COL6A3: variants seen among roughly 807,000 people sequenced by gnomAD.
COL6A3 encodes the protein collagen type VI alpha 3 chain, also known as collagen alpha-3(VI) chain.
Under a neutral mutation model 274.1 loss-of-function variants are expected in COL6A3, and 137 were observed. The observed-to-expected ratio is 0.50, with a 90% CI of 0.44 to 0.58. COL6A3 has a LOEUF of 0.58. Among genes scored for constraint, COL6A3 ranks in the 20% least tolerant of loss-of-function variants. The pLI is 0.00. For missense variants in COL6A3, 3,950 were observed against 4,124.9 expected (o/e 0.96, Z 1.16); for synonymous variants, 1,650 against 1,650.6 (o/e 1.00, Z 0.01).
At position 237,368,774 on chromosome 2, in the gene COL6A3, G is replaced by A; in HGVS notation, c.4689C>T (p.Ile1563=). The change falls in exon 10 of 44, where the codon ATC becomes ATT. Residue 1563 remains isoleucine, a synonymous_variant. Transcript: ENST00000295550. The surrounding 1 kb of genome is among the most constrained non-coding windows in gnomAD (Gnocchi z 4.4). ...CTAAACTCACAATGCCCGAGGAACG[G>A]ATCACCTGGGCGAACCTGGACACAT... ...QDDVSRFAQV[I]RSSGIVSLGV... 11 of 1,614,220 alleles carry A rather than the reference G, an allele frequency of 6.8e-6. No individual in the cohort carries two copies. Among genetic ancestry groups the A allele is most frequent in the Non-Finnish European group, 9.3e-6 (11 of 1,180,042 alleles).
chr2:237,331,500 T>A (rs1700222319), intron 42 of COL6A3, among the ~76,000 whole-genome samples: 1 of 152,086 alleles, frequency 6.6e-6, no homozygotes, highest in African/African-American at 2.4e-5. Flanking sequence ...ATTTATTAGG[T>A]CGGTGCGAAA....
chr2:237,342,449 G>A (rs2077007101), intron 36 of COL6A3: 2 of 430,548 alleles, frequency 4.6e-6, no homozygotes, highest in Non-Finnish European at 8.6e-6. Context: ...GTGTCATTTG[G>A]AGGGTTAAAT....
intron 3 of COL6A3, among the ~76,000 whole-genome samples, chr2:237,389,536 A>C (rs533673231): frequency 6.6e-6 from 1 of 152,200 alleles, no homozygotes; most frequent in South Asian, 2.1e-4. Context: ...TCCTTGTGCC[A>C]ACAAAATTGT....
rs1131296 is a variant in COL6A3 at position 237,334,649 on chromosome 2, G to A, written c.9206C>T (p.Thr3069Ile). Residue 3069 changes from threonine to isoleucine, a missense_variant, in exon 41 of 44, where the codon ACC becomes ATC. Thr to Ile is a moderately conservative substitution (Grantham distance 89). Transcript: ENST00000295550. Reference protein sequence around the residue: ...VCYLRSQVRATYHGSFSTKKS... With the variant: ...VCYLRSQVRAIYHGSFSTKKS... ...ACTTGTACTGAAACTTCCGTGGTAGGTGGCTCTGACCTGAGACCTCAGGTA... is the reference window on the plus strand; with the variant it reads ...ACTTGTACTGAAACTTCCGTGGTAGATGGCTCTGACCTGAGACCTCAGGTA... 620,603 of 1,612,638 alleles carry A rather than the reference G, an allele frequency of 0.38. 121,469 individuals are homozygous for A. The highest frequency in any genetic ancestry group is 0.5 in the East Asian group (22,522 of 44,868).
rs2077516086 is a variant in COL6A3, at chr2:237,364,865, G to A, written c.5839-437C>T. Among the ~76,000 whole-genome samples, 1 of 149,374 alleles carries A rather than the reference G, an allele frequency of 6.7e-6. No homozygotes were observed. The highest frequency in any genetic ancestry group is 1.5e-5 in the Non-Finnish European group (1 of 67,324). ...GGTGTACATGTGTGTGGGTGCGTAT[G>A]TGTGTGCATGTGTATGGGTGCATGT... On this transcript the variant is annotated intron_variant, in intron 12 of 43. Transcript: ENST00000295550. This position sits in a 1 kb window ranked among gnomAD's most constrained non-coding sequence, Gnocchi z 4.6.
chr2:237,379,318 T>C, intron 5 of COL6A3, 83 bp from the exon 6 acceptor site: 1 of 1,521,336 alleles, frequency 6.6e-7, no homozygotes. Flanking sequence ...CGTGCACACA[T>C]GCCAACATTT....
Position 237,366,756 on chromosome 2 carries a change from G to C in COL6A3, c.5431C>G (p.Gln1811Glu). Residue 1811 changes from glutamine to glutamate, a missense_variant, in exon 11 of 44, where the codon CAA becomes GAA. Coordinates refer to ENST00000295550, the MANE Select transcript of COL6A3 (RefSeq NM_004369.4). ...GCATCATGCAAAGTTTCCAAAACTT[G>C]CTCGCTCAGTTCGGACAGCTCCTGG... ...NVQELSELSE[Q>E]VLETLHDAMH... The C allele has an allele frequency of 6.2e-7, 1 of 1,614,252 alleles. No individual in the cohort carries two copies. The highest frequency in any genetic ancestry group is 2.2e-5 in the East Asian group (1 of 44,886).
intron 4 of COL6A3, among the ~76,000 whole-genome samples, chr2:237,382,986 A>T (rs763338040): frequency 6.6e-6 from 1 of 152,046 alleles, no homozygotes; most frequent in Non-Finnish European, 1.5e-5. Flanking sequence ...TTTGGTAGAG[A>T]TGGGGTTTCA....
chr2:237,376,081 C>T (rs2077830791), intron 7 of COL6A3, among the ~76,000 whole-genome samples: 1 of 152,168 alleles, frequency 6.6e-6, no homozygotes, highest in African/African-American at 2.4e-5. Context: ...CTGCAAGTCA[C>T]AAGTGGGTTA....
rs1482431281 is a variant in COL6A3 at position 237,360,067 on chromosome 2, AC to A, written c.6282+20del. 2 of 1,613,140 alleles carry A rather than the reference AC, an allele frequency of 1.2e-6. No individual in the cohort carries two copies. The highest frequency in any genetic ancestry group is 1.7e-6 in the Non-Finnish European group (2 of 1,179,644). ...CACCTGACCCCTCCCCACGCTAGCA[AC>A]CCCATCACCCACGCCTCACCTTTAC... is the stretch of plus-strand genomic sequence containing the variant. On this transcript the variant is annotated intron_variant, in intron 17 of 43. Coordinates refer to ENST00000295550, the MANE Select transcript of COL6A3 (RefSeq NM_004369.4).
At chr2:237,358,936 G>A in intron 20 of COL6A3, 99 bp downstream of exon 20, 2 of 1,367,020 alleles carry the variant, frequency 1.5e-6, no homozygotes. Context: ...GCTGCCTGGA[G>A]GAAGCGGGCT....
chr2:237,352,412 GC>G, intron 26 of COL6A3, 109 bp downstream of exon 26: 1 of 1,088,250 alleles, frequency 9.2e-7, no homozygotes, highest in Non-Finnish European at 1.4e-6. Flanking sequence ...AAAGAGGAGA[GC>G]TAAAGGGAGG....
At chr2:237,386,677 A>C (rs2078151063) in intron 4 of COL6A3, 1 of 152,216 alleles carries the variant, frequency 6.6e-6, no homozygotes, top group African/African-American at 2.4e-5. Flanking sequence ...CCCAGTGTGT[A>C]AGCAACACTG....
At chr2:237,348,804 C>G in intron 28 of COL6A3, 141 bp from the exon 29 acceptor site, 5 of 741,710 alleles carry the variant, frequency 6.7e-6, no homozygotes, top group Non-Finnish European at 1.2e-5. Context: ...AGTAGGCACA[C>G]TTCCTGCTCC....
Position 237,344,053 on chromosome 2 carries a change from C to T in COL6A3, c.7668+297G>A, listed in dbSNP as rs138722779. 0.011 allele frequency: 5,337 copies of T among 478,614 alleles called. 49 individuals carry two copies. The highest frequency in any genetic ancestry group is 0.029 in the Middle Eastern group (48 of 1,644). The allele number at this position is 478,614 out of a possible 1,614,324, so 29.6% of individuals were successfully genotyped here. A position where few individuals can be genotyped will look rare whatever the true frequency, so the allele number is the denominator to read the frequency against. On this transcript the variant is annotated intron_variant, in intron 36 of 43. Coordinates refer to ENST00000295550, the MANE Select transcript of COL6A3 (RefSeq NM_004369.4). The surrounding 1 kb of genome is among the most constrained non-coding windows in gnomAD (Gnocchi z 4.8). ...TCATGAATAAAGCAAACAAGTCACA[C>T]CACCTTGTTAGTAGATAGAGAGTGT...
chr2:237,362,508 G>A (rs1252254450), intron 14 of COL6A3, among the ~76,000 whole-genome samples: 1 of 152,216 alleles, frequency 6.6e-6, no homozygotes, highest in Non-Finnish European at 1.5e-5. Flanking sequence ...GAGCTTCCAA[G>A]AGCTTTCCCT....
At position 237,377,028 on chromosome 2, in the gene COL6A3, A is replaced by G. The variant is rs1236315058; in HGVS notation, c.2814T>C (p.Asp938=). 1.9e-6 allele frequency: 3 copies of G among 1,614,052 alleles called. No individual in the cohort carries two copies. Among genetic ancestry groups the G allele is most frequent in the African/African-American group, 2.7e-5 (2 of 74,906 alleles). The change falls in exon 7 of 44, where the codon GAT becomes GAC. Residue 938 remains aspartate (D), a synonymous_variant. Coordinates refer to ENST00000295550, the MANE Select transcript of COL6A3 (RefSeq NM_004369.4). ...FVKSAGSRIE[D]GVLQFLVLLV... ...GCAGCACCAGGAACTGAAGCACTCC[A>G]TCCTCGATCCGGCTGCCAGCAGACT...
intron 21 of COL6A3, among the ~76,000 whole-genome samples, 157 bp downstream of exon 21, chr2:237,358,364 T>C (rs1412803855): frequency 1.3e-5 from 2 of 152,090 alleles, no homozygotes; most frequent in Admixed American, 1.3e-4. Flanking sequence ...CCAACACATC[T>C]CCCCAAACCC....
intron 14 of COL6A3, 55 bp downstream of exon 14, chr2:237,363,198 C>G: frequency 6.3e-7 from 1 of 1,579,000 alleles, no homozygotes; most frequent in Non-Finnish European, 8.7e-7. Context: ...TCTTGAAATG[C>G]CAAAAGGTGT....
Sources: gnomAD v4.1 joint callset for allele counts (sites outside exome capture counted in the v4.1 genomes callset) on GRCh38, gnomAD v4.1.1 for gene constraint, Gnocchi (gnomAD v3.1) non-coding constraint, MANE v1.5 for transcripts, NCBI Gene and HGNC (gene_info 2026-07-23, HGNC 2026-07-21) for gene names.